The following MICU1 variants were observed in gnomAD, a reference collection of about 807,000 sequenced individuals.
MICU1 encodes the protein mitochondrial calcium uptake 1.
A neutral mutation model predicts 56.8 loss-of-function variants in MICU1; 45 were observed. The ratio of observed to expected loss-of-function variants is 0.79; its 90% CI spans 0.62 to 1.02. The LOEUF (loss-of-function observed/expected upper bound fraction) is 1.02. MICU1 is among the 50% of genes least tolerant of loss of function. The pLI is 0.00. For synonymous variants in MICU1, 186 were observed against 195.1 expected (o/e 0.95, Z 0.39); for missense variants, 504 against 587.1 (o/e 0.86, Z 1.46).
At chr10:72,481,297 G>A (rs998840805) in intron 6 of MICU1, among the ~76,000 whole-genome samples, 9 of 152,150 alleles carry the variant, frequency 5.9e-5, no homozygotes. Context: ...AGCCTTCAGG[G>A]CAATTTTTAA....
chr10:72,460,536 CTT>C (rs1865609464), intron 8 of MICU1, among the ~76,000 whole-genome samples: 2 of 152,240 alleles, frequency 1.3e-5, no homozygotes, highest in South Asian at 2.1e-4. Context: ...ATAAAAGAGA[CTT>C]GACAAATATT....
intron 10 of MICU1, among the ~76,000 whole-genome samples, chr10:72,380,187 G>A (rs894692402): frequency 2.0e-4 from 30 of 152,268 alleles, no homozygotes; most frequent in African/African-American, 7.2e-4. Context: ...ATTTGATGAT[G>A]CTGACTGATG....
At chr10:72,542,014 T>C (rs1030271909) in intron 4 of MICU1, among the ~76,000 whole-genome samples, 4 of 152,148 alleles carry the variant, frequency 2.6e-5, no homozygotes, top group Admixed American at 6.5e-5. Flanking sequence ...ATAAAACTTA[T>C]ACAAAAGTAA....
At chr10:72,623,233 T>C (rs1842146666) in intron 1 of MICU1, among the ~76,000 whole-genome samples, 1 of 131,604 alleles carries the variant, frequency 7.6e-6, no homozygotes, top group South Asian at 2.3e-4. Flanking sequence ...ATCGCGCCAT[T>C]GCACTGTAGC....
At chr10:72,496,856 G>C (rs926669207) in intron 6 of MICU1, among the ~76,000 whole-genome samples, 2 of 152,180 alleles carry the variant, frequency 1.3e-5, no homozygotes, top group African/African-American at 2.4e-5. Flanking sequence ...ACAGGAGTGA[G>C]CCACTGTGCC....
intron 8 of MICU1, among the ~76,000 whole-genome samples, chr10:72,454,662 A>G (rs1330391260): frequency 1.3e-5 from 2 of 151,488 alleles, no homozygotes; most frequent in Non-Finnish European, 2.9e-5. Context: ...GTGCCCCTGT[A>G]GTCCCAGCTA....
intron 5 of MICU1, chr10:72,524,647 G>T: frequency 1.2e-6 from 1 of 862,862 alleles, no homozygotes; most frequent in Non-Finnish European, 1.5e-6. Context: ...AAGGACATAT[G>T]CATCATGCGC....
intron 6 of MICU1, among the ~76,000 whole-genome samples, chr10:72,501,465 A>G (rs768442740): frequency 1.5e-4 from 23 of 152,012 alleles, no homozygotes; most frequent in Non-Finnish European, 3.4e-4. Flanking sequence ...AAAAAACAAC[A>G]TATGTTATAT....
At chr10:72,556,493 A>G (rs1840162608) in intron 3 of MICU1, among the ~76,000 whole-genome samples, 1 of 151,930 alleles carries the variant, frequency 6.6e-6, no homozygotes, top group South Asian at 2.1e-4. Context: ...GGCATGTGCT[A>G]CCATGCCCAG....
intron 1 of MICU1, among the ~76,000 whole-genome samples, chr10:72,577,086 G>A (rs1259498041): frequency 6.6e-6 from 1 of 152,090 alleles, no homozygotes; most frequent in African/African-American, 2.4e-5. Context: ...CTCTGGAATG[G>A]AAAACCAAAT....
intron 8 of MICU1, among the ~76,000 whole-genome samples, chr10:72,436,897 T>C (rs1864745569): frequency 6.6e-6 from 1 of 152,208 alleles, no homozygotes; most frequent in Admixed American, 6.5e-5. Context: ...TGGGACTATG[T>C]GCAAAGACCA....
At chr10:72,411,286 C>G (rs1176759010) in intron 9 of MICU1, among the ~76,000 whole-genome samples, 1 of 151,614 alleles carries the variant, frequency 6.6e-6, no homozygotes, top group African/African-American at 2.4e-5. Context: ...TTTTACCACA[C>G]ACAACACACA....
At chr10:72,475,859 G>A (rs548488561) in intron 7 of MICU1, 1 of 456,670 alleles carries the variant, frequency 2.2e-6, no homozygotes, top group Non-Finnish European at 4.4e-6. Context: ...CAGACAGCCT[G>A]ACAACTTTAT....
chr10:72,593,872 T>G (rs983118391), intron 1 of MICU1, among the ~76,000 whole-genome samples: 15 of 152,128 alleles, frequency 9.9e-5, no homozygotes, highest in African/African-American at 3.6e-4. Context: ...AAATTAAAGA[T>G]AGGAATAAGT....
chr10:72,537,194 C>T (rs1329889096), intron 4 of MICU1, among the ~76,000 whole-genome samples: 1 of 152,082 alleles, frequency 6.6e-6, no homozygotes, highest in Non-Finnish European at 1.5e-5. Context: ...ATTATTTCAC[C>T]TTGTTATGTT....
intron 10 of MICU1, among the ~76,000 whole-genome samples, chr10:72,390,217 T>C (rs1303891418): frequency 2.0e-5 from 3 of 152,146 alleles, no homozygotes; most frequent in Non-Finnish European, 4.4e-5. Context: ...AAAAGAAATG[T>C]GACATTTTTT....
intron 9 of MICU1, among the ~76,000 whole-genome samples, chr10:72,412,573 A>C (rs954221458): frequency 6.6e-6 from 1 of 152,226 alleles, no homozygotes; most frequent in Non-Finnish European, 1.5e-5. Flanking sequence ...AAGCAGGGCC[A>C]GGTGTGGTGG....
chr10:72,509,222 A>G (rs1369909423), intron 5 of MICU1, among the ~76,000 whole-genome samples: 2 of 152,262 alleles, frequency 1.3e-5, no homozygotes, highest in Non-Finnish European at 2.9e-5. Flanking sequence ...TATTTTGAGT[A>G]TAAAAAATAG....
chr10:72,419,957 T>C (rs1184619816), intron 9 of MICU1, among the ~76,000 whole-genome samples: 1 of 152,230 alleles, frequency 6.6e-6, no homozygotes, highest in Non-Finnish European at 1.5e-5. Flanking sequence ...AGGTCTTTAA[T>C]GTGCTGTTCT....
Sources: gnomAD v4.1 joint callset for allele counts (sites outside exome capture counted in the v4.1 genomes callset) on GRCh38, gnomAD v4.1.1 for gene constraint, MANE v1.5 for transcripts, NCBI Gene and HGNC (gene_info 2026-07-23, HGNC 2026-07-21) for gene names.